METTL2B: variants seen among roughly 807,000 people sequenced by gnomAD.
The protein encoded by METTL2B is tRNA N(3)-cytidine methyltransferase METTL2B.
A neutral mutation model predicts 51.0 loss-of-function variants in METTL2B; 28 were observed. The observed-to-expected ratio is 0.55, with a 90% confidence interval of 0.41 to 0.75. The LOEUF (loss-of-function observed/expected upper bound fraction) is 0.75, where lower values mean the gene tolerates loss of function less well. Ranked by LOEUF, METTL2B falls within the 30% of genes least tolerant of loss-of-function variation. The probability of loss-of-function intolerance (pLI) is 0.00; values close to 1 mark genes in which losing one functional copy is unlikely to be tolerated. For synonymous variants in METTL2B, 128 were observed against 166.3 expected, an observed-to-expected ratio of 0.77 and a Z score of 1.77; for missense variants, 313 against 460.7, an observed-to-expected ratio of 0.68 and a Z score of 2.93.
chr7:128,479,458 T>C lies in METTL2B; in HGVS notation c.503T>C (p.Leu168Pro). The C allele has an allele frequency of 1.9e-6, 3 of 1,614,118 alleles. No homozygotes were observed. In the South Asian group the frequency reaches 3.3e-5, roughly 18 times the overall value. ...AATGTAACTCAGAAAATTAGTGACC[T>C]GGAAATTTGTGCTGATGAGTTTCCT... is the stretch of plus-strand genomic sequence containing the variant. Reference protein sequence around the residue: ...EENVTQKISDLEICADEFPGS... With the variant: ...EENVTQKISDPEICADEFPGS... The change falls in exon 3 of 9, where the codon CTG becomes CCG. Residue 168 changes from leucine to proline, a missense_variant. This residue lies in a region of METTL2B where 42 missense variants were observed against 113.4 expected (regional missense o/e 0.37). Coordinates refer to ENST00000262432, the MANE Select transcript of METTL2B (RefSeq NM_018396.3).
Position 128,479,286 on chromosome 7 carries a change from C to A in METTL2B, c.331C>A (p.His111Asn), listed in dbSNP as rs1218532117. ...GCTGGCACCTAGCCAAAATCAAAAT[C>A]ATTTGAAGGATTGGTTCTTGGAGAA... ...PELAPSQNQN[H>N]LKDWFLENKS... is the part of the protein sequence containing the mutation. Residue 111 changes from histidine (H) to asparagine (N), a missense_variant, in exon 3 of 9, where the codon CAT becomes AAT. His to Asn is a moderately conservative substitution (Grantham distance 68, BLOSUM62 1). Transcript: ENST00000262432. 5.0e-6 allele frequency: 8 copies of A among 1,614,072 alleles called. No individual in the cohort carries two copies. The East Asian group carries it at 1.8e-4, about 36-fold the overall frequency.
At chr7:128,479,952 C>T (rs1287427405) in intron 3 of METTL2B, among the ~76,000 whole-genome samples, 1 of 152,188 alleles carries the variant, frequency 6.6e-6, no homozygotes, top group African/African-American at 2.4e-5. Flanking sequence ...AATTCTCTTC[C>T]TCTGCATTTG....
intron 6 of METTL2B, 124 bp downstream of exon 6, chr7:128,494,067 A>G (rs1331986360): frequency 8.0e-7 from 1 of 1,250,658 alleles, no homozygotes; most frequent in African/African-American, 1.5e-5. Flanking sequence ...ATCATGGCTC[A>G]CTGCAGCCTT....
intron 7 of METTL2B, among the ~76,000 whole-genome samples, chr7:128,499,060 G>A (rs1792978969): frequency 6.6e-6 from 1 of 151,524 alleles, no homozygotes; most frequent in Non-Finnish European, 1.5e-5. Context: ...GACAAAAGAT[G>A]CCATTAAAAA....
chr7:128,481,630 G>A (rs1008521008), intron 4 of METTL2B, among the ~76,000 whole-genome samples: 3 of 152,180 alleles, frequency 2.0e-5, no homozygotes, highest in African/African-American at 7.2e-5. Flanking sequence ...TCACCAACCT[G>A]GAAGCTCATC....
chr7:128,497,899 G>A, intron 6 of METTL2B, 137 bp from the exon 7 acceptor site: 1 of 798,410 alleles, frequency 1.3e-6, no homozygotes, highest in Non-Finnish European at 2.0e-6. Context: ...AGTTCTAACT[G>A]AAGAGTAGAG....
intron 4 of METTL2B, among the ~76,000 whole-genome samples, chr7:128,481,534 A>T (rs368336454): frequency 1.2e-4 from 18 of 152,240 alleles, no homozygotes; most frequent in East Asian, 5.8e-4. Context: ...TGAAGAAGTA[A>T]TTAGAGTGGG....
chr7:128,502,433 G>T lies in METTL2B; in HGVS notation c.*517G>T. 1 of 303,898 alleles carries T rather than the reference G, an allele frequency of 3.3e-6. No homozygotes were observed. The highest frequency in any genetic ancestry group is 1.2e-4 in the East Asian group (1 of 8,208). 18.8% of individuals were successfully genotyped at this position (303,898 alleles called of 1,614,324 possible). A position where few individuals can be genotyped will look rare whatever the true frequency, so the allele number is the denominator to read the frequency against. On this transcript the variant is annotated 3_prime_UTR_variant, in exon 9 of 9. Transcript: ENST00000262432. ...AATCTTTTGAGAGTGTAAATGCCGG[G>T]CTAGGCAATTGCAGTTAATACATAC...
rs186153966 is a variant in METTL2B, at chr7:128,492,656, G to A, written c.670-1148G>A. ...TTTTGAGACGGAGTCTCCCTCTGTT[G>A]CCCAGGCTGGAGTGCAGTGGTGCGA... On this transcript the variant is annotated intron_variant, in intron 5 of 8. Coordinates refer to ENST00000262432, the MANE Select transcript of METTL2B (RefSeq NM_018396.3). Among the ~76,000 whole-genome samples the A allele has an allele frequency of 6.6e-5, 10 of 151,570 alleles. No homozygotes were observed. In the East Asian group the frequency reaches 1.8e-3, roughly 27 times the overall value.
intron 3 of METTL2B, among the ~76,000 whole-genome samples, chr7:128,480,296 T>G (rs1334210000): frequency 2.0e-5 from 3 of 152,208 alleles, no homozygotes; most frequent in African/African-American, 7.2e-5. Context: ...TTTTCATACA[T>G]TTTTCAGCAC....
At chr7:128,480,455 C>T (rs1223624209) in intron 3 of METTL2B, among the ~76,000 whole-genome samples, 192 bp from the exon 4 acceptor site, 8 of 152,196 alleles carry the variant, frequency 5.3e-5, no homozygotes, top group African/African-American at 1.9e-4. Context: ...AACCCATGTT[C>T]TTGTCTTTTA....
intron 4 of METTL2B, 150 bp from the exon 5 acceptor site, chr7:128,487,951 C>T (rs1792746274): frequency 2.9e-6 from 3 of 1,031,016 alleles, no homozygotes; most frequent in Non-Finnish European, 4.2e-6. Flanking sequence ...GGATTTTAAC[C>T]AAAATGAAAT....
chr7:128,501,522 C>T (rs1793029553), intron 8 of METTL2B: 2 of 985,346 alleles, frequency 2.0e-6, no homozygotes, highest in South Asian at 9.4e-5. Context: ...TTCATAGAGC[C>T]TAAAGGCCAA....
chr7:128,497,988 C>T, intron 6 of METTL2B, 48 bp from the exon 7 acceptor site: 1 of 1,596,026 alleles, frequency 6.3e-7, no homozygotes, highest in Non-Finnish European at 8.6e-7. Context: ...AAAGAGAACC[C>T]TGTCTTTAAG....
chr7:128,501,447 T>C, intron 8 of METTL2B: 1 of 985,448 alleles, frequency 1.0e-6, no homozygotes, highest in Non-Finnish European at 1.2e-6. Context: ...GTTAAGATGA[T>C]GAAACCTCTT....
chr7:128,477,944 T>C (rs1799823575), intron 2 of METTL2B: 1 of 449,546 alleles, frequency 2.2e-6, no homozygotes, highest in African/African-American at 2.0e-5. Context: ...ATTCTCTTTT[T>C]ATAGTTAAAG....
intron 4 of METTL2B, chr7:128,484,247 A>ATTTTTTTTTTTT (rs1792659615): frequency 2.6e-4 from 2 of 7,670 alleles, no homozygotes; most frequent in Non-Finnish European, 5.5e-4. Flanking sequence ...TTTTTTTTTG[A>ATTTTTTTTTTTT]GACAGGATTT....
At chr7:128,485,665 C>CAAA (rs397756088) in intron 4 of METTL2B, among the ~76,000 whole-genome samples, 15 of 130,596 alleles carry the variant, frequency 1.1e-4, no homozygotes, top group South Asian at 5.2e-4. Flanking sequence ...GACTCCGTCT[C>CAAA]AAAAAAAAAA....
At chr7:128,479,832 A>G (rs962771598) in intron 3 of METTL2B, among the ~76,000 whole-genome samples, 13 of 152,242 alleles carry the variant, frequency 8.5e-5, no homozygotes, top group Non-Finnish European at 1.8e-4. Context: ...TGATCATGCT[A>G]TAACTCTGGA....
Sources: allele counts gnomAD v4.1 joint callset (sites outside exome capture counted in the v4.1 genomes callset), GRCh38; gene constraint gnomAD v4.1.1; regional missense constraint gnomAD v4.1.1; transcripts MANE v1.5; gene names NCBI Gene and HGNC (gene_info 2026-07-23, HGNC 2026-07-21).